PPIL2: variants seen among roughly 807,000 people sequenced by gnomAD.
PPIL2 encodes peptidylprolyl isomerase like 2.
PPIL2 carries 50 observed loss-of-function variants against 75.2 expected under a neutral mutation model. That is an observed-to-expected ratio of 0.66 (90% CI 0.53 to 0.84). The LOEUF is 0.84. PPIL2 is among the 40% of genes least tolerant of loss of function. The probability of loss-of-function intolerance (pLI) is 0.00; values close to 1 mark genes in which losing one functional copy is unlikely to be tolerated. For synonymous variants in PPIL2, 245 were observed against 258.8 expected (o/e 0.95, Z 0.51); for missense variants, 590 against 685.0 (o/e 0.86, Z 1.55).
chr22:21,692,200 G>A (rs1402097884), intron 15 of PPIL2, among the ~76,000 whole-genome samples: 2 of 151,276 alleles, frequency 1.3e-5, no homozygotes, highest in Admixed American at 6.6e-5. Flanking sequence ...CCGTCCCCCA[G>A]GCTGGAGTGC....
At chr22:21,690,382 G>GAA (rs770132497) in intron 15 of PPIL2, among the ~76,000 whole-genome samples, 1 of 143,482 alleles carries the variant, frequency 7.0e-6, no homozygotes, top group Non-Finnish European at 1.5e-5. Context: ...ACCCTGTCTG[G>GAA]AAAAAAAAAA....
chr22:21,692,154 TC>T (rs1329650194), intron 15 of PPIL2, among the ~76,000 whole-genome samples: 291 of 150,564 alleles, frequency 1.9e-3, no homozygotes, highest in African/African-American at 6.9e-3. Flanking sequence ...ATCCTGACAG[TC>T]TTTTTTTTTT....
chr22:21,670,391 G>GA, intron 2 of PPIL2, 175 bp from the exon 3 acceptor site: 1 of 1,484,440 alleles, frequency 6.7e-7, no homozygotes, highest in Non-Finnish European at 9.0e-7. Context: ...GTTCTTTTTT[G>GA]ATGTACCCCA....
intron 15 of PPIL2, among the ~76,000 whole-genome samples, chr22:21,691,883 C>T (rs578139985): frequency 1.1e-4 from 16 of 152,054 alleles, no homozygotes; most frequent in Non-Finnish European, 1.8e-4. Context: ...CTGGTGGCCT[C>T]GGGTGTGGTC....
chr22:21,668,610 C>T (rs908051188), intron 1 of PPIL2, among the ~76,000 whole-genome samples: 5 of 143,216 alleles, frequency 3.5e-5, no homozygotes, highest in African/African-American at 7.6e-5. Flanking sequence ...GCCTGGGCAG[C>T]GAGCAAGACT....
At chr22:21,687,061 T>C in intron 12 of PPIL2, 63 bp downstream of exon 12, 1 of 1,448,384 alleles carries the variant, frequency 6.9e-7, no homozygotes, top group Non-Finnish European at 9.7e-7. Flanking sequence ...CTGACAGCCA[T>C]GTCTTAAATA....
At chr22:21,672,419 A>G in intron 5 of PPIL2, 38 bp downstream of exon 5, 1 of 1,553,674 alleles carries the variant, frequency 6.4e-7, no homozygotes, top group Non-Finnish European at 8.9e-7. Context: ...ATGCTAGTGA[A>G]TGCTATCCTC....
At chr22:21,692,778 T>C (rs1301801406) in intron 15 of PPIL2, among the ~76,000 whole-genome samples, 5 of 151,340 alleles carry the variant, frequency 3.3e-5, no homozygotes, top group Non-Finnish European at 5.9e-5. Flanking sequence ...GCAAAAAAAT[T>C]AGCTGGGCGT....
In PPIL2 at chr22:21,682,462, C is replaced by T; in HGVS notation, c.413C>T (p.Ala138Val). The T allele has an allele frequency of 1.2e-6, 2 of 1,614,020 alleles. No homozygotes were observed. The highest frequency in any genetic ancestry group is 1.7e-6 in the Non-Finnish European group (2 of 1,179,970). The change falls in exon 8 of 20, where the codon GCC (alanine) becomes GTC (valine). Residue 138 changes from alanine (A) to valine (V), a missense_variant. Physicochemically the swap from Ala to Val is moderately conservative, Grantham distance 64. Coordinates refer to ENST00000398831, the MANE Select transcript of PPIL2 (RefSeq NM_014337.4). The part of the protein sequence containing the change: ...YEAVEQLNIK[A>V]KNFRDLLTDE... ...GCAGTGGAACAGCTAAATATCAAGG[C>T]CAAGAACTTCCGGGACCTGCTGACC...
rs1216009114 is a variant in PPIL2, at chr22:21,684,770, C to G, written c.571C>G (p.Gln191Glu). ...IIDPDEEKAK[Q>E]DPSYYLKNTN... Reference sequence around the variant, plus strand: ...TTTTGTAGATGAAGAGAAGGCCAAACAGGACCCGTCTTATTATCTGAAAAA... The same window carrying G: ...TTTTGTAGATGAAGAGAAGGCCAAAGAGGACCCGTCTTATTATCTGAAAAA... The change falls in exon 10 of 20, where the codon CAG (glutamine) becomes GAG (glutamate). Residue 191 changes from glutamine to glutamate, a missense_variant. Coordinates refer to ENST00000398831, the MANE Select transcript of PPIL2 (RefSeq NM_014337.4). 1 of 1,614,094 alleles carries G rather than the reference C, an allele frequency of 6.2e-7. No homozygotes were observed. Among genetic ancestry groups the G allele is most frequent in the East Asian group, 2.2e-5 (1 of 44,868 alleles).
At position 21,686,466 on chromosome 22, in the gene PPIL2, C is replaced by A. The variant is rs1421418286; in HGVS notation, c.715-17C>A. ...TCCCATGGCACTGCTGAGGTGCCACCCTGGTTTCCTTGGCAGGCCCACTAT... is the reference window on the plus strand; with the variant it reads ...TCCCATGGCACTGCTGAGGTGCCACACTGGTTTCCTTGGCAGGCCCACTAT... On this transcript the variant is annotated splice_polypyrimidine_tract_variant and intron_variant, in intron 10 of 19. Transcript: ENST00000398831. The A allele has an allele frequency of 3.1e-6, 5 of 1,613,252 alleles. No individual in the cohort carries two copies. In the African/African-American group the frequency reaches 4.0e-5, roughly 13 times the overall value.
In PPIL2 at chr22:21,696,573, C is replaced by A; in HGVS notation, c.*1083C>A. The A allele has an allele frequency of 7.0e-7, 1 of 1,420,148 alleles. No homozygotes were observed. The highest frequency in any genetic ancestry group is 1.5e-5 in the South Asian group (1 of 66,930). 88.0% of individuals were successfully genotyped at this position (1,420,148 alleles called of 1,614,324 possible). The stretch of plus-strand genomic sequence containing the variant: ...GGCTGGCTTTTTCTTCGTCTTCAGC[C>A]CAGGCCAGTGGTCAGTGTTCTCATG... On this transcript the variant is annotated 3_prime_UTR_variant, in exon 20 of 20. Transcript: ENST00000398831.
chr22:21,692,343 A>G (rs749026639), intron 15 of PPIL2, among the ~76,000 whole-genome samples: 1 of 151,176 alleles, frequency 6.6e-6, no homozygotes, highest in Non-Finnish European at 1.5e-5. Context: ...TTTAGTAGAG[A>G]TGGGGTTTCA....
intron 6 of PPIL2, among the ~76,000 whole-genome samples, chr22:21,680,482 G>C (rs1439113461): frequency 6.6e-6 from 1 of 152,026 alleles, no homozygotes; most frequent in Non-Finnish European, 1.5e-5. Flanking sequence ...AGTGAGCCGA[G>C]ATCACGCTAC....
rs1360956636 is a variant in PPIL2, at chr22:21,697,350, CCTGA to C, written c.*1868_*1871del. ...CACCCTGACAGACACCCTGGCTGGC[CCTGA>C]CTGACTGTATTCTCTGGCCACATTC... On this transcript the variant is annotated 3_prime_UTR_variant, in exon 20 of 20. Coordinates refer to ENST00000398831, the MANE Select transcript of PPIL2 (RefSeq NM_014337.4). 9.0e-5 allele frequency: 24 copies of C among 265,678 alleles called. No individual in the cohort carries two copies. Among genetic ancestry groups the C allele is most frequent in the Non-Finnish European group, 1.6e-4 (22 of 136,642 alleles). The allele number at this position is 265,678 out of a possible 1,614,324, so 16.5% of individuals were successfully genotyped here.
chr22:21,666,960 C>G (rs546688266), intron 1 of PPIL2, among the ~76,000 whole-genome samples: 21 of 152,282 alleles, frequency 1.4e-4, no homozygotes, highest in Admixed American at 1.0e-3. Flanking sequence ...CCACTCAAGT[C>G]AGAATTTCGA....
chr22:21,684,454 CAAAAAA>C (rs1028354500), intron 9 of PPIL2, among the ~76,000 whole-genome samples: 1 of 47,550 alleles, frequency 2.1e-5, no homozygotes, highest in Admixed American at 3.0e-4. Flanking sequence ...TCCATCTCCA[CAAAAAA>C]AAAAAAAAAA....
At position 21,687,832 on chromosome 22, in the gene PPIL2, A is replaced by T. The variant is rs961241450; in HGVS notation, c.987+100A>T. The T allele has an allele frequency of 1.3e-5, 17 of 1,263,626 alleles. No homozygotes were observed. The South Asian group carries it at 2.2e-4, about 16-fold the overall frequency. The allele number at this position is 1,263,626 out of a possible 1,614,324, so 78.3% of individuals were successfully genotyped here. A position where few individuals can be genotyped will look rare whatever the true frequency, so the allele number is the denominator to read the frequency against. ...CCATCCCAGGGCCCTGGCCCATCCC[A>T]CGGTGGCCAGGATGAGTCCAGTTGG... On this transcript the variant is annotated intron_variant, in intron 13 of 19. Coordinates refer to ENST00000398831, the MANE Select transcript of PPIL2 (RefSeq NM_014337.4).
At chr22:21,693,966 T>C in intron 16 of PPIL2, 94 bp downstream of exon 16, 3 of 1,307,308 alleles carry the variant, frequency 2.3e-6, no homozygotes, top group South Asian at 2.4e-5. Flanking sequence ...TTCGTGGACC[T>C]GAGTCATGTG....
Sources: gnomAD v4.1 joint callset for allele counts (sites outside exome capture counted in the v4.1 genomes callset) on GRCh38, gnomAD v4.1.1 for gene constraint, MANE v1.5 for transcripts, NCBI Gene and HGNC (gene_info 2026-07-23, HGNC 2026-07-21) for gene names.